MYH15: variants seen among roughly 807,000 people sequenced by gnomAD.
MYH15 encodes the protein myosin heavy chain 15, also known as myosin-15.
MYH15 carries 227 observed loss-of-function variants against 240.5 expected under a neutral mutation model. That is an observed-to-expected ratio of 0.94 (90% CI 0.85 to 1.05). MYH15 has a LOEUF of 1.05. Among genes scored for constraint, MYH15 ranks in the 50% least tolerant of loss-of-function variants. The pLI is 0.00. For synonymous variants in MYH15, 785 were observed against 796.7 expected (o/e 0.99, Z 0.25); for missense variants, 2,217 against 2,247.5 (o/e 0.99, Z 0.27).
At chr3:108,405,576 G>C (rs912805659) in intron 32 of MYH15, 123 bp from the exon 33 acceptor site, 1 of 469,782 alleles carries the variant, frequency 2.1e-6, no homozygotes, top group African/African-American at 2.0e-5. Flanking sequence ...ATAGGTTCAA[G>C]CCAGGTCCCT....
At chr3:108,485,283 A>G in intron 10 of MYH15, 54 bp from the exon 11 acceptor site, 4 of 1,603,122 alleles carry the variant, frequency 2.5e-6, no homozygotes, top group Non-Finnish European at 3.4e-6. Context: ...GGCTGCAGTG[A>G]GCACCTCACC....
chr3:108,543,194 T>C, the MYH15 span, among the ~76,000 whole-genome samples: 7 of 152,210 alleles, frequency 4.6e-5, no homozygotes, highest in East Asian at 1.9e-4. Flanking sequence ...CATTCCTTTT[T>C]ATGGCTGAAT....
intron 1 of MYH15, among the ~76,000 whole-genome samples, chr3:108,507,260 T>C (rs1397490667): frequency 0.071 from 5,747 of 81,282 alleles, 894 homozygotes; most frequent in East Asian, 0.46. Context: ...TATATATATA[T>C]ATATATATAT....
intron 15 of MYH15, among the ~76,000 whole-genome samples, chr3:108,463,847 G>C (rs971007290): frequency 2.6e-5 from 4 of 152,024 alleles, no homozygotes; most frequent in African/African-American, 4.8e-5. Context: ...GAAAAGAAAG[G>C]GGGGAGAGAG....
chr3:108,491,416 C>T (rs2083347060), intron 9 of MYH15, among the ~76,000 whole-genome samples: 1 of 152,038 alleles, frequency 6.6e-6, no homozygotes, highest in South Asian at 2.1e-4. Context: ...CACTATCATT[C>T]TCCTAATCAA....
chr3:108,392,679 T>C (rs1238316962), intron 36 of MYH15, among the ~76,000 whole-genome samples: 1 of 152,154 alleles, frequency 6.6e-6, no homozygotes, highest in Non-Finnish European at 1.5e-5. Context: ...TGATGTGGGG[T>C]TGGGACTCAG....
intron 27 of MYH15, among the ~76,000 whole-genome samples, chr3:108,427,428 G>A (rs1435433061): frequency 1.3e-5 from 2 of 152,162 alleles, no homozygotes; most frequent in African/African-American, 4.8e-5. Flanking sequence ...TGCAATGTGA[G>A]GATGCAGCAA....
chr3:108,428,939 A>T, intron 26 of MYH15, 58 bp from the exon 27 acceptor site: 2 of 1,433,816 alleles, frequency 1.4e-6, no homozygotes, highest in Non-Finnish European at 1.9e-6. Flanking sequence ...GCTTTACTCT[A>T]TTTTTTTTTA....
At chr3:108,487,328 A>G (rs1191232898) in intron 9 of MYH15, among the ~76,000 whole-genome samples, 5 of 152,198 alleles carry the variant, frequency 3.3e-5, no homozygotes. Context: ...AAACAAAGAA[A>G]TTGGGCTACA....
chr3:108,456,702 T>G (rs2083022706), intron 19 of MYH15, 64 bp downstream of exon 19: 1 of 1,218,328 alleles, frequency 8.2e-7, no homozygotes, highest in Non-Finnish European at 1.2e-6. Context: ...GCCTAAACAC[T>G]CGGAAAGGGA....
chr3:108,450,821 T>C (rs772569883), intron 21 of MYH15, among the ~76,000 whole-genome samples: 1 of 151,552 alleles, frequency 6.6e-6, no homozygotes, highest in Non-Finnish European at 1.5e-5. Context: ...ACAATTTTTG[T>C]CAATGATAAC....
In MYH15 at chr3:108,471,249, G is replaced by A. The variant is rs554363249; in HGVS notation, c.1234-402C>T. On this transcript the variant is annotated intron_variant, in intron 12 of 40. Transcript: ENST00000693548. ...CTATTATTAAAGGACTAACTATCCC[G>A]GGGTATGGTGTGGTGATGTGTCCCA... Among the ~76,000 whole-genome samples the A allele has an allele frequency of 1.3e-4, 20 of 151,892 alleles. 1 individual carries two copies. Among genetic ancestry groups the A allele is most frequent in the South Asian group, 1.0e-3 (5 of 4,816 alleles).
At chr3:108,393,959 T>G in intron 36 of MYH15, 72 bp downstream of exon 36, 1 of 1,599,502 alleles carries the variant, frequency 6.3e-7, no homozygotes, top group Non-Finnish European at 8.5e-7. Context: ...GCTGCAGATG[T>G]GGCCCTGCCC....
At chr3:108,520,368 G>C (rs1168602976) in intron 1 of MYH15, among the ~76,000 whole-genome samples, 1 of 152,140 alleles carries the variant, frequency 6.6e-6, no homozygotes, top group Admixed American at 6.6e-5. Context: ...CAATGTATTG[G>C]TGGAAAAGGG....
intron 10 of MYH15, 133 bp downstream of exon 10, chr3:108,486,290 G>T: frequency 1.9e-6 from 1 of 523,244 alleles, no homozygotes; most frequent in Non-Finnish European, 3.3e-6. Flanking sequence ...AGTAAACTTT[G>T]GACAGAAGCA....
At chr3:108,384,886 A>G (rs902352936) in intron 38 of MYH15, 104 bp from the exon 39 acceptor site, 3 of 953,694 alleles carry the variant, frequency 3.1e-6, no homozygotes, top group East Asian at 2.5e-5. Context: ...TTTATTAAAC[A>G]TCATCTCAGA....
intron 38 of MYH15, among the ~76,000 whole-genome samples, chr3:108,385,643 T>C (rs1013505633): frequency 6.6e-6 from 1 of 152,204 alleles, no homozygotes; most frequent in African/African-American, 2.4e-5. Flanking sequence ...GAAGAAAATA[T>C]CTCAATTTGC....
At chr3:108,510,041 C>T (rs747404205) in intron 1 of MYH15, among the ~76,000 whole-genome samples, 4 of 152,138 alleles carry the variant, frequency 2.6e-5, no homozygotes, top group Non-Finnish European at 5.9e-5. Flanking sequence ...TCTTCTTCCC[C>T]ACAATGTACA....
At chr3:108,435,874 TTATC>T (rs1381407923) in intron 25 of MYH15, among the ~76,000 whole-genome samples, 1 of 151,600 alleles carries the variant, frequency 6.6e-6, no homozygotes, top group Non-Finnish European at 1.5e-5. Context: ...CACATTTTCT[TTATC>T]CATTCATGTA....
Sources: gnomAD v4.1 joint callset for allele counts (sites outside exome capture counted in the v4.1 genomes callset) on GRCh38, gnomAD v4.1.1 for gene constraint, MANE v1.5 for transcripts, NCBI Gene and HGNC (gene_info 2026-07-23, HGNC 2026-07-21) for gene names.